The following MICAL3 variants were observed in gnomAD, a reference collection of about 807,000 sequenced individuals.
MICAL3 encodes the protein [F-actin]-monooxygenase MICAL3.
In MICAL3, 62 loss-of-function variants were observed where a neutral mutation model predicts 207.4. The observed-to-expected ratio is 0.30, with a 90% confidence interval of 0.24 to 0.37. The LOEUF (loss-of-function observed/expected upper bound fraction) is 0.37. Ranked by LOEUF, MICAL3 falls within the 10% of genes least tolerant of loss-of-function variation. The pLI is 1.00. For synonymous variants in MICAL3, 1,077 were observed against 1,069.3 expected (o/e 1.01, Z -0.14); for missense variants, 2,368 against 2,635.6 (o/e 0.90, Z 2.22).
At chr22:17,803,029 G>T (rs1358921658) in intron 29 of MICAL3, among the ~76,000 whole-genome samples, 1 of 152,174 alleles carries the variant, frequency 6.6e-6, no homozygotes, top group African/African-American at 2.4e-5. Context: ...GCTCTAGAGG[G>T]CATCAGAACC....
chr22:17,943,727 G>C (rs990928378), intron 1 of MICAL3, among the ~76,000 whole-genome samples: 20 of 152,134 alleles, frequency 1.3e-4, no homozygotes, highest in African/African-American at 4.3e-4. Context: ...CTGCTGTTTT[G>C]GGACCTGTCC....
At chr22:18,021,745 G>A (rs940921304) in intron 1 of MICAL3, among the ~76,000 whole-genome samples, 2 of 152,164 alleles carry the variant, frequency 1.3e-5, no homozygotes, top group African/African-American at 2.4e-5. Flanking sequence ...CCATTCTATG[G>A]TAGGGAGACC....
At chr22:17,852,712 C>T (rs985141524) in intron 19 of MICAL3, among the ~76,000 whole-genome samples, 3 of 152,228 alleles carry the variant, frequency 2.0e-5, no homozygotes, top group Admixed American at 6.5e-5. Context: ...TAAACCCTTG[C>T]TCTGCCTAAG....
chr22:18,015,940 T>C (rs1303470604), intron 1 of MICAL3, among the ~76,000 whole-genome samples: 2 of 152,218 alleles, frequency 1.3e-5, no homozygotes, highest in African/African-American at 4.8e-5. Flanking sequence ...TTCTACTTAT[T>C]TCTATTATAA....
chr22:17,855,194 C>T (rs1414482448), intron 19 of MICAL3, among the ~76,000 whole-genome samples: 1 of 152,232 alleles, frequency 6.6e-6, no homozygotes, highest in African/African-American at 2.4e-5. Flanking sequence ...AATCACTTTA[C>T]GTGTGAGTTC....
At chr22:17,963,804 T>C (rs372196211) in intron 1 of MICAL3, among the ~76,000 whole-genome samples, 6 of 152,264 alleles carry the variant, frequency 3.9e-5, no homozygotes, top group Admixed American at 1.3e-4. Flanking sequence ...AGGCCGATCA[T>C]TGCCTTGCAA....
In MICAL3 at chr22:18,015,486, C is replaced by T. The variant is rs970079032; in HGVS notation, c.-75+8795G>A. Among the ~76,000 whole-genome samples, 6 of 135,394 alleles carry T rather than the reference C, an allele frequency of 4.4e-5. No homozygotes were observed. In the East Asian group the frequency reaches 1.3e-3, roughly 30 times the overall value. The allele number at this position is 135,394 out of a possible 152,430, so 88.8% of individuals were successfully genotyped here. On this transcript the variant is annotated intron_variant, in intron 1 of 31. Transcript: ENST00000441493. ...GGAGTGCAGTGGTGTGATCTTGGCT[C>T]ACTGCAACCTCTGCCTTGTGGGTTC...
chr22:18,022,014 G>A (rs1435357132), intron 1 of MICAL3, among the ~76,000 whole-genome samples: 7 of 152,252 alleles, frequency 4.6e-5, no homozygotes, highest in African/African-American at 1.7e-4. Context: ...GGCACCAGGT[G>A]GGTAGATCAC....
At chr22:17,880,183 G>T (rs544099431) in intron 16 of MICAL3, among the ~76,000 whole-genome samples, 1 of 152,294 alleles carries the variant, frequency 6.6e-6, no homozygotes, top group Non-Finnish European at 1.5e-5. Flanking sequence ...CGTAGCCCCG[G>T]TCCCACAAGC....
chr22:17,881,040 G>T (rs1929369507), intron 16 of MICAL3, among the ~76,000 whole-genome samples: 1 of 152,220 alleles, frequency 6.6e-6, no homozygotes, highest in African/African-American at 2.4e-5. Context: ...GCACCATCCT[G>T]AGGGCCATAA....
intron 27 of MICAL3, 84 bp downstream of exon 27, chr22:17,816,606 T>C: frequency 8.8e-7 from 1 of 1,134,204 alleles, no homozygotes; most frequent in African/African-American, 1.5e-5. Context: ...TGCGGTTTGC[T>C]CTCCCTCTCC....
chr22:18,004,731 C>T (rs144455300), intron 1 of MICAL3: 10 of 152,210 alleles, frequency 6.6e-5, no homozygotes, highest in East Asian at 1.9e-4. Flanking sequence ...CCTTATTATT[C>T]GCCTTAGTAC....
At chr22:18,003,538 C>G (rs1385384307) in intron 1 of MICAL3, among the ~76,000 whole-genome samples, 1 of 152,234 alleles carries the variant, frequency 6.6e-6, no homozygotes, top group Non-Finnish European at 1.5e-5. Context: ...CATTCAACCA[C>G]ACATGGCCAA....
At chr22:18,010,739 T>C (rs996820447) in intron 1 of MICAL3, among the ~76,000 whole-genome samples, 1 of 152,212 alleles carries the variant, frequency 6.6e-6, no homozygotes, top group East Asian at 1.9e-4. Context: ...CCTGGAGGGT[T>C]AGAAAGAAGG....
At chr22:18,018,174 G>A (rs1301464652) in intron 1 of MICAL3, among the ~76,000 whole-genome samples, 1 of 152,182 alleles carries the variant, frequency 6.6e-6, no homozygotes, top group South Asian at 2.1e-4. Context: ...GCGCCCAGCC[G>A]ATAGAAATTT....
At chr22:18,015,125 T>C (rs1039083349) in intron 1 of MICAL3, among the ~76,000 whole-genome samples, 3 of 152,164 alleles carry the variant, frequency 2.0e-5, no homozygotes, top group African/African-American at 7.2e-5. Context: ...AGTCAGTAGA[T>C]ATTCACAAAC....
At chr22:17,810,238 A>G (rs773024428) in intron 28 of MICAL3, among the ~76,000 whole-genome samples, 37 of 151,078 alleles carry the variant, frequency 2.4e-4, no homozygotes, top group Non-Finnish European at 1.8e-4. Context: ...AATTTTTTGT[A>G]TTTTTAGTAG....
At chr22:17,968,446 G>A (rs901288407) in intron 1 of MICAL3, among the ~76,000 whole-genome samples, 1 of 152,106 alleles carries the variant, frequency 6.6e-6, no homozygotes, top group Non-Finnish European at 1.5e-5. Flanking sequence ...CTCCACAGTC[G>A]CAGACTCAAA....
intron 28 of MICAL3, among the ~76,000 whole-genome samples, chr22:17,810,253 G>T (rs560606034): frequency 0.013 from 1,872 of 149,368 alleles, 35 homozygotes; most frequent in African/African-American, 0.041. Flanking sequence ...TAGTAGAGAC[G>T]GGGGTTTCAC....
Sources: allele counts gnomAD v4.1 joint callset (sites outside exome capture counted in the v4.1 genomes callset), GRCh38; gene constraint gnomAD v4.1.1; transcripts MANE v1.5; gene names NCBI Gene and HGNC (gene_info 2026-07-23, HGNC 2026-07-21).